Variants in SLC25A26 observed in about 807,000 individuals in gnomAD.
SLC25A26 encodes solute carrier family 25 member 26, also known as mitochondrial S-adenosylmethionine carrier protein.
A neutral mutation model predicts 37.8 loss-of-function variants in SLC25A26; 36 were observed. That is an observed-to-expected ratio of 0.95 (90% CI 0.73 to 1.26). The LOEUF (loss-of-function observed/expected upper bound fraction) is 1.26, where lower values mean the gene tolerates loss of function less well. Ranked by LOEUF, SLC25A26 falls within the 50% of genes most tolerant of loss-of-function variation. The probability of loss-of-function intolerance (pLI) is 0.00; values close to 1 mark genes in which losing one functional copy is unlikely to be tolerated. For synonymous variants in SLC25A26, 129 were observed against 122.5 expected, an observed-to-expected ratio of 1.05 and a Z score of -0.35; for missense variants, 390 against 331.1, an observed-to-expected ratio of 1.18 and a Z score of -1.38.
At chr3:66,277,918 A>G (rs1342477836) in intron 5 of SLC25A26, among the ~76,000 whole-genome samples, 2 of 152,252 alleles carry the variant, frequency 1.3e-5, no homozygotes, top group Admixed American at 6.5e-5. Flanking sequence ...ATTGTACAGA[A>G]TTGTCAAAGT....
chr3:66,236,161 C>T (rs2072268441), intron 1 of SLC25A26, among the ~76,000 whole-genome samples: 1 of 150,110 alleles, frequency 6.7e-6, no homozygotes, highest in African/African-American at 2.5e-5. Flanking sequence ...ATCCTCCCAC[C>T]TCTGCCTCCC....
At chr3:66,140,683 G>A (rs78469887) in intron 1 of SLC25A26, among the ~76,000 whole-genome samples, 15,251 of 152,106 alleles carry the variant, frequency 0.1, 877 homozygotes, top group Middle Eastern at 0.16. Context: ...TACCTTATCG[G>A]CACCTGTCTT....
At chr3:66,341,421 C>G (rs1184882629) in intron 5 of SLC25A26, among the ~76,000 whole-genome samples, 1 of 152,106 alleles carries the variant, frequency 6.6e-6, no homozygotes, top group East Asian at 1.9e-4. Flanking sequence ...AATTGGCACT[C>G]TAACATGTAA....
chr3:66,221,482 A>C (rs185429731), intron 1 of SLC25A26, among the ~76,000 whole-genome samples: 163 of 152,328 alleles, frequency 1.1e-3, no homozygotes, highest in African/African-American at 3.8e-3. Context: ...TATGTAACAC[A>C]ACAACAAAAA....
intron 1 of SLC25A26, among the ~76,000 whole-genome samples, chr3:66,222,276 G>A (rs2071534296): frequency 6.6e-6 from 1 of 151,818 alleles, no homozygotes; most frequent in East Asian, 1.9e-4. Flanking sequence ...CACCTCTCGG[G>A]TTCACGCCAT....
chr3:66,368,598 C>T lies in SLC25A26; in HGVS notation c.569-880C>T, dbSNP rs149802902. ...AGCCCGTGAAACACAAAAAGCTTTGCTCCTTTAATTCAAAGAATCCAGCCA... is the reference window on the plus strand; with the variant it reads ...AGCCCGTGAAACACAAAAAGCTTTGTTCCTTTAATTCAAAGAATCCAGCCA... On this transcript the variant is annotated intron_variant, in intron 7 of 9. Coordinates refer to ENST00000354883, the MANE Select transcript of SLC25A26 (RefSeq NM_001379210.1). Among the ~76,000 whole-genome samples, 117 of 152,314 alleles carry T rather than the reference C, an allele frequency of 7.7e-4. 2 individuals are homozygous for T. The South Asian group carries it at 0.014, about 18-fold the overall frequency.
chr3:66,308,712 ATTGGGTGTTTTTAGCATGAAGGGGTGG>A (rs1214650016), intron 5 of SLC25A26, among the ~76,000 whole-genome samples: 4 of 152,068 alleles, frequency 2.6e-5, no homozygotes, highest in Non-Finnish European at 5.9e-5. Flanking sequence ...TTCCTGGTTT[ATTGGGTGTTTTTAGCATGAAGGGGTGG>A]TTAGCATGAA....
At chr3:66,318,431 C>T (rs748862364) in intron 5 of SLC25A26, among the ~76,000 whole-genome samples, 1 of 152,128 alleles carries the variant, frequency 6.6e-6, no homozygotes, top group Non-Finnish European at 1.5e-5. Flanking sequence ...CCCCTTTCCC[C>T]CTGCCGCCTT....
At chr3:66,169,752 G>A (rs1481909650) in intron 1 of SLC25A26, among the ~76,000 whole-genome samples, 1 of 152,138 alleles carries the variant, frequency 6.6e-6, no homozygotes, top group African/African-American at 2.4e-5. Flanking sequence ...GCAGATATTA[G>A]TTTTTTACTG....
At chr3:66,366,634 A>G (rs1559743764) in intron 7 of SLC25A26, among the ~76,000 whole-genome samples, 1 of 152,206 alleles carries the variant, frequency 6.6e-6, no homozygotes, top group Non-Finnish European at 1.5e-5. Flanking sequence ...AATCTTTGCT[A>G]ATGGCCAAAA....
intron 3 of SLC25A26, among the ~76,000 whole-genome samples, chr3:66,257,453 G>A (rs993079139): frequency 6.6e-6 from 1 of 152,164 alleles, no homozygotes; most frequent in Non-Finnish European, 1.5e-5. Flanking sequence ...CCCTCAGCCA[G>A]ACCACTGCTC....
intron 1 of SLC25A26, among the ~76,000 whole-genome samples, chr3:66,191,831 C>A (rs911300987): frequency 6.6e-6 from 1 of 151,716 alleles, no homozygotes. Context: ...GTGGAGGTTG[C>A]GGTGAGCGGA....
At chr3:66,260,524 A>G (rs2073483948) in intron 3 of SLC25A26, among the ~76,000 whole-genome samples, 1 of 152,196 alleles carries the variant, frequency 6.6e-6, no homozygotes, top group Non-Finnish European at 1.5e-5. Flanking sequence ...ACATAACCAT[A>G]CCCTTTGTTG....
intron 3 of SLC25A26, among the ~76,000 whole-genome samples, chr3:66,252,577 G>C (rs1432561372): frequency 6.6e-6 from 1 of 152,192 alleles, no homozygotes; most frequent in African/African-American, 2.4e-5. Context: ...CCCAGTCACA[G>C]TTCTTACAAG....
chr3:66,353,244 A>G (rs9867869), intron 6 of SLC25A26, among the ~76,000 whole-genome samples: 7,347 of 152,166 alleles, frequency 0.048, 601 homozygotes, highest in African/African-American at 0.17. Context: ...GATGATAACA[A>G]CCATAATAAA....
At chr3:66,259,763 G>GC (rs2073448930) in intron 3 of SLC25A26, among the ~76,000 whole-genome samples, 1 of 152,038 alleles carries the variant, frequency 6.6e-6, no homozygotes, top group Admixed American at 6.5e-5. Context: ...CCTGTGCATT[G>GC]CAGCCAGAGT....
chr3:66,238,273 CTT>C (rs574005159), intron 2 of SLC25A26, among the ~76,000 whole-genome samples: 7 of 135,310 alleles, frequency 5.2e-5, no homozygotes, highest in Admixed American at 1.4e-4. Context: ...TCCCCCAAAA[CTT>C]AACTACTGAT....
intron 1 of SLC25A26, among the ~76,000 whole-genome samples, chr3:66,159,468 G>A (rs1290397723): frequency 6.6e-6 from 1 of 152,156 alleles, no homozygotes; most frequent in African/African-American, 2.4e-5. Flanking sequence ...GGAAAGCCAG[G>A]GCTGATTCCT....
At chr3:66,303,617 C>T (rs1414960891) in intron 5 of SLC25A26, among the ~76,000 whole-genome samples, 1 of 152,216 alleles carries the variant, frequency 6.6e-6, no homozygotes, top group Non-Finnish European at 1.5e-5. Context: ...CATGTAACAT[C>T]AGGATCACTT....
Sources: allele counts gnomAD v4.1 joint callset (sites outside exome capture counted in the v4.1 genomes callset), GRCh38; gene constraint gnomAD v4.1.1; transcripts MANE v1.5; gene names NCBI Gene and HGNC (gene_info 2026-07-23, HGNC 2026-07-21).